Variants in PUDP observed in about 807,000 individuals in gnomAD.
The protein encoded by PUDP is pseudouridine 5'-phosphatase.
PUDP carries 8 observed loss-of-function variants against 9.4 expected under a neutral mutation model. The ratio of observed to expected loss-of-function variants is 0.85; its 90% confidence interval spans 0.50 to 1.53. The LOEUF is 1.53. Among genes scored for constraint, PUDP ranks in the 40% most tolerant of loss-of-function variants. The pLI is 0.00. For missense variants in PUDP, 188 were observed against 189.7 expected (o/e 0.99, Z 0.05); for synonymous variants, 99 against 80.7 (o/e 1.23, Z -1.22).
intron 1 of PUDP, among the ~76,000 whole-genome samples, chrX:7,106,952 C>T (rs780805611): frequency 5.4e-5 from 6 of 111,978 alleles, no homozygotes; most frequent in Admixed American, 9.4e-5. Context: ...CCCCCCAAGG[C>T]CCCAGTGAAG....
rs182996042 is a variant in PUDP at position 6,946,737 on chromosome X, A to C, written c.*247+30396T>G. Among the ~76,000 whole-genome samples, 18 of 111,992 alleles carry C rather than the reference A, an allele frequency of 1.6e-4. No individual in the cohort carries two copies. The East Asian group carries it at 4.2e-3, about 26-fold the overall frequency. On this transcript the variant is annotated intron_variant and NMD_transcript_variant, in intron 3 of 3. Coordinates refer to the PUDP transcript ENST00000655425. ...TGTAAAAAAAAATCACAAAGCAGCG[A>C]TTACATAATGATCCTGTCTTATGGA...
chrX:6,935,190 G>T (rs1928276860), intron 3 of PUDP, among the ~76,000 whole-genome samples: 1 of 107,101 alleles, frequency 9.3e-6, no homozygotes, highest in Admixed American at 1.0e-4. Context: ...ATTTTTTTAA[G>T]CACCACACCA....
intron 3 of PUDP, among the ~76,000 whole-genome samples, chrX:6,931,503 C>A (rs892718111): frequency 1.8e-5 from 2 of 111,724 alleles, no homozygotes; most frequent in African/African-American, 6.5e-5. Flanking sequence ...GCAAAAGCGT[C>A]TAACACGAAG....
chrX:7,001,536 T>C (rs1929324518), intron 1 of PUDP, among the ~76,000 whole-genome samples: 1 of 111,269 alleles, frequency 9.0e-6, no homozygotes, highest in South Asian at 3.8e-4. Context: ...ATATAAAATT[T>C]TGGTGGTTAA....
chrX:6,719,827 A>G (rs1924640547), intron 1 of PUDP, among the ~76,000 whole-genome samples: 1 of 112,078 alleles, frequency 8.9e-6, no homozygotes. Flanking sequence ...TTTGAAGTGG[A>G]TGTTTCACAA....
chrX:6,764,604 C>A (rs1327709083), intron 3 of PUDP, among the ~76,000 whole-genome samples: 4 of 111,711 alleles, frequency 3.6e-5, no homozygotes, highest in Non-Finnish European at 7.5e-5. Context: ...CTAGTTGGAC[C>A]CTTAAATGCA....
At chrX:6,914,699 T>C (rs1426616370) in intron 3 of PUDP, among the ~76,000 whole-genome samples, 1 of 112,088 alleles carries the variant, frequency 8.9e-6, no homozygotes, top group Non-Finnish European at 1.9e-5. Context: ...ATATTTCCCT[T>C]CCACCTCCTT....
At chrX:7,108,767 C>CT (rs1326834086) in intron 1 of PUDP, among the ~76,000 whole-genome samples, 1 of 112,080 alleles carries the variant, frequency 8.9e-6, no homozygotes, top group Non-Finnish European at 1.9e-5. Flanking sequence ...GTGGCCCAGG[C>CT]TGGTCTCAAA....
At chrX:6,929,645 C>A (rs1197055103) in intron 3 of PUDP, among the ~76,000 whole-genome samples, 1 of 112,174 alleles carries the variant, frequency 8.9e-6, no homozygotes, top group East Asian at 2.8e-4. Context: ...CATCCAGCTC[C>A]CCTTTTCTGT....
At chrX:6,901,998 T>C (rs1038817840) in intron 3 of PUDP, among the ~76,000 whole-genome samples, 1 of 110,736 alleles carries the variant, frequency 9.0e-6, no homozygotes, top group Admixed American at 9.7e-5. Flanking sequence ...CTCAGCCTCC[T>C]GAGTAGCTGG....
At chrX:6,724,501 CAAAAAA>C (rs1170392595), upstream of PUDP, among the ~76,000 whole-genome samples, 4 of 45,449 alleles carry the variant, frequency 8.8e-5, no homozygotes, top group South Asian at 1.3e-3. Flanking sequence ...ATTCTCTCTC[CAAAAAA>C]AAAAAAAAAA....
At chrX:6,708,259 G>T (rs905627717) in intron 1 of PUDP, among the ~76,000 whole-genome samples, 1 of 111,478 alleles carries the variant, frequency 9.0e-6, no homozygotes, top group African/African-American at 3.3e-5. Flanking sequence ...GGTAGCATTT[G>T]GGAAGCAAGG....
chrX:7,061,415 G>A (rs753612002), intron 3 of PUDP, among the ~76,000 whole-genome samples: 16 of 111,373 alleles, frequency 1.4e-4, no homozygotes, highest in Non-Finnish European at 2.8e-4. Context: ...GGGACAAAAT[G>A]CATGGACTAT....
intron 3 of PUDP, among the ~76,000 whole-genome samples, chrX:6,767,194 C>T (rs762646905): frequency 3.5e-5 from 4 of 113,187 alleles, no homozygotes; most frequent in African/African-American, 9.6e-5. Context: ...AATTATTTAG[C>T]GTAGCTAAGC....
In PUDP at chrX:6,860,472, T is replaced by TG. The variant is rs747887658; in HGVS notation, c.*247+116660_*247+116661insC. ...TTTTTCTGTGTGTGGTTTTTTGTTTTTTGTTTTTTGTTTTTTGAGACAGAG... is the reference window on the plus strand; with the variant it reads ...TTTTTCTGTGTGTGGTTTTTTGTTTTGTTGTTTTTTGTTTTTTGAGACAGAG... On this transcript the variant is annotated intron_variant and NMD_transcript_variant, in intron 3 of 3. Transcript: ENST00000655425. 2.4e-3 allele frequency among the ~76,000 whole-genome samples: 255 copies of TG among 105,403 alleles called. 9 individuals are homozygous for TG. In the East Asian group the frequency reaches 0.062, roughly 26 times the overall value. The allele number at this position is 105,403 out of a possible 115,157, so 91.5% of individuals were successfully genotyped here.
chrX:6,764,676 T>C (rs1054835413), intron 3 of PUDP, among the ~76,000 whole-genome samples: 1 of 111,370 alleles, frequency 9.0e-6, no homozygotes, highest in Non-Finnish European at 1.9e-5. Flanking sequence ...TGAATTTAAA[T>C]GTAACATTCA....
At chrX:6,846,187 G>A (rs1012846891) in intron 3 of PUDP, among the ~76,000 whole-genome samples, 1 of 110,542 alleles carries the variant, frequency 9.0e-6, no homozygotes, top group Non-Finnish European at 1.9e-5. Context: ...GGCGGATCAC[G>A]AGGTCAGGAG....
intron 3 of PUDP, among the ~76,000 whole-genome samples, chrX:6,933,670 A>G (rs962959087): frequency 4.5e-5 from 5 of 112,017 alleles, no homozygotes; most frequent in African/African-American, 9.7e-5. Flanking sequence ...GGCTTCAGAC[A>G]ATCAAATTAC....
chrX:6,880,928 T>C (rs1278321159), intron 3 of PUDP, among the ~76,000 whole-genome samples: 1 of 112,674 alleles, frequency 8.9e-6, no homozygotes, highest in African/African-American at 3.2e-5. Context: ...GTGAAGAGCA[T>C]GTACTCTTCT....
Sources: allele counts gnomAD v4.1 joint callset (sites outside exome capture counted in the v4.1 genomes callset), GRCh38; gene constraint gnomAD v4.1.1; transcripts MANE v1.5; gene names NCBI Gene and HGNC (gene_info 2026-07-23, HGNC 2026-07-21).